Variants in ITSN1 observed in about 807,000 individuals in gnomAD.
ITSN1 encodes the protein intersectin 1.
In ITSN1, 58 loss-of-function variants were observed where a neutral mutation model predicts 239.8. The observed-to-expected ratio is 0.24, with a 90% confidence interval of 0.20 to 0.30. The LOEUF is 0.30. ITSN1 is among the 10% of genes least tolerant of loss of function. The pLI is 1.00. For missense variants in ITSN1, 1,558 were observed against 2,103.3 expected (o/e 0.74, Z 5.07); for synonymous variants, 780 against 770.8 (o/e 1.01, Z -0.20).
At chr21:33,652,258 G>C (rs2088609954) in intron 1 of ITSN1, among the ~76,000 whole-genome samples, 1 of 152,244 alleles carries the variant, frequency 6.6e-6, no homozygotes, top group South Asian at 2.1e-4. Flanking sequence ...GCGTCCTGGT[G>C]TTACTACACC....
intron 34 of ITSN1, among the ~76,000 whole-genome samples, chr21:33,880,718 G>GGTCC (rs1488070918): frequency 6.6e-6 from 1 of 152,108 alleles, no homozygotes; most frequent in Non-Finnish European, 1.5e-5. Context: ...TTCAGAGAGG[G>GGTCC]GTCCATAGGG....
intron 34 of ITSN1, among the ~76,000 whole-genome samples, chr21:33,878,674 G>A (rs1257767460): frequency 6.6e-6 from 1 of 152,230 alleles, no homozygotes; most frequent in Non-Finnish European, 1.5e-5. Context: ...CAAAGGTGTG[G>A]AAGCAGCCCC....
intron 35 of ITSN1, among the ~76,000 whole-genome samples, chr21:33,883,199 T>TAA (rs1480200719): frequency 6.6e-6 from 1 of 152,246 alleles, no homozygotes; most frequent in African/African-American, 2.4e-5. Context: ...CAGCCAGATC[T>TAA]TATTCTGAAA....
At position 33,677,687 on chromosome 21, in the gene ITSN1, G is replaced by A. The variant is rs911081784; in HGVS notation, c.-33+34974G>A. Among the ~76,000 whole-genome samples, 44 of 152,070 alleles carry A rather than the reference G, an allele frequency of 2.9e-4. 1 individual carries two copies. The highest frequency in any genetic ancestry group is 1.5e-5 in the Non-Finnish European group (1 of 68,000). ...TCCCCACCCTAATGCGCACACCCCA[G>A]TCCTTTCTCGTCTTAGTAAATAGCG... On this transcript the variant is annotated intron_variant, in intron 1 of 39. Coordinates refer to ENST00000381318, the MANE Select transcript of ITSN1 (RefSeq NM_003024.3).
At chr21:33,674,091 A>G (rs2090457185) in intron 1 of ITSN1, among the ~76,000 whole-genome samples, 1 of 152,168 alleles carries the variant, frequency 6.6e-6, no homozygotes, top group Non-Finnish European at 1.5e-5. Context: ...GTTTGTATTT[A>G]ATGTGTTCCT....
At chr21:33,660,099 C>T (rs1368367820) in intron 1 of ITSN1, among the ~76,000 whole-genome samples, 1 of 152,182 alleles carries the variant, frequency 6.6e-6, no homozygotes, top group African/African-American at 2.4e-5. Context: ...AGCCCCACTG[C>T]TCTGGTCTTA....
intron 1 of ITSN1, among the ~76,000 whole-genome samples, chr21:33,693,315 C>G (rs1568953054): frequency 1.3e-5 from 2 of 151,346 alleles, no homozygotes; most frequent in African/African-American, 4.9e-5. Flanking sequence ...TTGCTCATAC[C>G]CTTCTTGCTG....
Position 33,847,708 on chromosome 21 carries a change from C to A in ITSN1, c.3662-9028C>A, listed in dbSNP as rs535094664. ...GCGTTCTGTGGTTACAGCCATTGAG[C>A]CTCTTGGACAATGGCTTGAGTGACC... is the stretch of plus-strand genomic sequence containing the variant. On this transcript the variant is annotated intron_variant, in intron 29 of 39. Transcript: ENST00000381318. Among the ~76,000 whole-genome samples the A allele has an allele frequency of 5.8e-4, 89 of 152,260 alleles. 1 individual carries two copies. Among genetic ancestry groups the A allele is most frequent in the African/African-American group, 1.9e-3 (80 of 41,548 alleles).
intron 1 of ITSN1, among the ~76,000 whole-genome samples, chr21:33,709,650 T>C (rs2092356191): frequency 6.6e-6 from 1 of 152,226 alleles, no homozygotes; most frequent in African/African-American, 2.4e-5. Context: ...GTTGTTTTTC[T>C]TAATTCCACT....
chr21:33,828,398 T>C (rs2074092017), intron 26 of ITSN1, among the ~76,000 whole-genome samples: 1 of 152,178 alleles, frequency 6.6e-6, no homozygotes, highest in Non-Finnish European at 1.5e-5. Context: ...CTTTCTTGCT[T>C]GCCCCAAGCT....
At chr21:33,766,577 A>T (rs923339343) in intron 10 of ITSN1, among the ~76,000 whole-genome samples, 1 of 152,226 alleles carries the variant, frequency 6.6e-6, no homozygotes, top group Non-Finnish European at 1.5e-5. Context: ...GAACATAAAA[A>T]CTGAATATGA....
rs1332798208 is a variant in ITSN1 at position 33,751,798 on chromosome 21, T to C, written c.527-12T>C. 2 of 1,582,514 alleles carry C rather than the reference T, an allele frequency of 1.3e-6. No homozygotes were observed. The highest frequency in any genetic ancestry group is 2.7e-5 in the African/African-American group (2 of 73,980). On this transcript the variant is annotated splice_polypyrimidine_tract_variant and intron_variant, in intron 6 of 39. Transcript: ENST00000381318. The stretch of plus-strand genomic sequence containing the variant: ...TTGTAGAATTAAAATTATTCAACAT[T>C]TATTTTTACAGCAGCCACATTGCCA...
intron 11 of ITSN1, among the ~76,000 whole-genome samples, chr21:33,770,626 T>G (rs1159234650): frequency 6.6e-6 from 1 of 152,216 alleles, no homozygotes; most frequent in Non-Finnish European, 1.5e-5. Flanking sequence ...ATTTACCTGT[T>G]GTGGATATTT....
intron 4 of ITSN1, among the ~76,000 whole-genome samples, chr21:33,727,050 C>T (rs559993774): frequency 6.6e-5 from 10 of 152,156 alleles, no homozygotes; most frequent in Non-Finnish European, 1.2e-4. Flanking sequence ...CTCCTTGTCT[C>T]TCCTGGCTGA....
chr21:33,868,707 C>A (rs1373065587), intron 33 of ITSN1, among the ~76,000 whole-genome samples: 2 of 152,230 alleles, frequency 1.3e-5, no homozygotes, highest in African/African-American at 4.8e-5. Flanking sequence ...TCCCTCCACA[C>A]CTCCCTGCAA....
At position 33,886,357 on chromosome 21, in the gene ITSN1, T is replaced by C. The variant is rs1308009656; in HGVS notation, c.4914T>C (p.Thr1638=). ...QCHITKTIQD[T]LNPKWNSNCQ... is the part of the protein sequence containing the mutation. ...ACATCACCAAGACGATCCAGGACAC[T>C]CTGAACCCCAAGTGGAATTCCAACT... is the stretch of plus-strand genomic sequence containing the variant. Residue 1638 remains threonine, a synonymous_variant, in exon 39 of 40, where the codon ACT becomes ACC. Coordinates refer to ENST00000381318, the MANE Select transcript of ITSN1 (RefSeq NM_003024.3). 6.2e-7 allele frequency: 1 copy of C among 1,613,954 alleles called. No homozygotes were observed. The highest frequency in any genetic ancestry group is 2.2e-5 in the East Asian group (1 of 44,878).
rs2066421850 is a variant in ITSN1, at chr21:33,735,207, A to G, written c.346+3A>G. 1 of 1,610,854 alleles carries G rather than the reference A, an allele frequency of 6.2e-7. No homozygotes were observed. ...TATTTCTAGCGCACCAGCATTTGGTAAGTCTGAAAATGAATTGGTTTCTGT... is the reference window on the plus strand; with the variant it reads ...TATTTCTAGCGCACCAGCATTTGGTGAGTCTGAAAATGAATTGGTTTCTGT... On this transcript the variant is annotated splice_donor_region_variant and intron_variant, in intron 5 of 39. Transcript: ENST00000381318.
intron 32 of ITSN1, 38 bp from the exon 33 acceptor site, chr21:33,867,195 C>T (rs1169942721): frequency 4.5e-6 from 6 of 1,329,608 alleles, no homozygotes. Context: ...TTGGATTTTG[C>T]AAGTTTCTTA....
At chr21:33,755,972 C>T (rs2067879569) in intron 8 of ITSN1, among the ~76,000 whole-genome samples, 1 of 152,070 alleles carries the variant, frequency 6.6e-6, no homozygotes, top group African/African-American at 2.4e-5. Flanking sequence ...GCATACTGTT[C>T]AAAATTTTTC....
Sources: allele counts gnomAD v4.1 joint callset (sites outside exome capture counted in the v4.1 genomes callset), GRCh38; gene constraint gnomAD v4.1.1; transcripts MANE v1.5; gene names NCBI Gene and HGNC (gene_info 2026-07-23, HGNC 2026-07-21).